Variants in LIPJ observed in about 807,000 individuals in gnomAD.
LIPJ encodes lipase member J.
LIPJ carries 33 observed loss-of-function variants against 39.8 expected under a neutral mutation model. The observed-to-expected ratio is 0.83, with a 90% CI of 0.63 to 1.11. The LOEUF (loss-of-function observed/expected upper bound fraction) is 1.11. Among genes scored for constraint, LIPJ ranks in the 50% least tolerant of loss-of-function variants. LIPJ has a pLI of 0.00. For missense variants in LIPJ, 422 were observed against 427.9 expected (o/e 0.99, Z 0.12); for synonymous variants, 128 against 139.2 (o/e 0.92, Z 0.57).
chr10:88,616,384 C>T, the LIPJ span, among the ~76,000 whole-genome samples: 2 of 152,292 alleles, frequency 1.3e-5, no homozygotes, highest in East Asian at 3.9e-4. Context: ...AGAGGCTGAT[C>T]CCCCAGGGCC....
At chr10:88,606,867 T>A in exon 11 of LIPJ, 1 of 1,592,632 alleles carries the variant, frequency 6.3e-7, no homozygotes. Flanking sequence ...TATGATCAAG[T>A]TTACCATGAA....
chr10:88,595,873 T>C (rs1415189432), intron 6 of LIPJ, among the ~76,000 whole-genome samples: 2 of 151,562 alleles, frequency 1.3e-5, no homozygotes, highest in Non-Finnish European at 3.0e-5. Context: ...TTAAAATATA[T>C]TGAAGATAAA....
chr10:88,619,209 TAA>T, the LIPJ span, among the ~76,000 whole-genome samples: 93,843 of 127,946 alleles, frequency 0.73, 33,955 homozygotes, highest in East Asian at 0.94. Flanking sequence ...TTGCTACTGC[TAA>T]AAAAAAAAAA....
intron 9 of LIPJ, 108 bp downstream of exon 9, chr10:88,602,755 A>T (rs1851538223): frequency 1.9e-6 from 1 of 537,732 alleles, no homozygotes. Flanking sequence ...ATTTATAAGG[A>T]TAAAATGAAA....
In LIPJ at chr10:88,601,491, T is replaced by C. The variant is rs112902457; in HGVS notation, c.724-1085T>C. On this transcript the variant is annotated intron_variant, in intron 8 of 10. Transcript: ENST00000371939. ...TAATCTATGGCCTTTAGTCCAACTC[T>C]ATAGCACCCACACAGACCGATTTCT... Among the ~76,000 whole-genome samples the C allele has an allele frequency of 2.1e-3, 327 of 152,326 alleles. 1 individual carries two copies. Among genetic ancestry groups the C allele is most frequent in the African/African-American group, 7.4e-3 (306 of 41,572 alleles).
chr10:88,620,479 T>A, the LIPJ span, among the ~76,000 whole-genome samples: 1 of 152,050 alleles, frequency 6.6e-6, no homozygotes, highest in African/African-American at 2.4e-5. Context: ...AATTTTAAAT[T>A]CTAAAAATGG....
upstream of LIPJ, chr10:88,584,276 C>T (rs1850828592): frequency 6.6e-6 from 1 of 151,462 alleles, no homozygotes; most frequent in African/African-American, 2.4e-5. Context: ...GCATATATGA[C>T]TAAGAAGACA....
At chr10:88,610,729 C>A (rs990475383), downstream of LIPJ, among the ~76,000 whole-genome samples, 8 of 152,166 alleles carry the variant, frequency 5.3e-5, no homozygotes, top group African/African-American at 1.7e-4. Flanking sequence ...AACTAGACCA[C>A]ACCTATGTAG....
At position 88,596,757 on chromosome 10, in the gene LIPJ, T is replaced by C. The variant is rs775033294; in HGVS notation, c.577-33T>C. ...ATTTCTTTAGCACTTATTGTGGTCA[T>C]CCAAATGTGGATAAAATAAATTTAT... On this transcript the variant is annotated intron_variant, in intron 7 of 10. Coordinates refer to ENST00000371939, the Ensembl canonical transcript of LIPJ. 5.8e-6 allele frequency: 9 copies of C among 1,564,160 alleles called. No homozygotes were observed. In the South Asian group the frequency reaches 1.0e-4, roughly 18 times the overall value.
the LIPJ span, among the ~76,000 whole-genome samples, chr10:88,613,800 A>ATATATATATATATATATATATATATG: frequency 6.7e-5 from 5 of 74,150 alleles, no homozygotes; most frequent in Non-Finnish European, 1.3e-4. Context: ...ATATATATAT[A>ATATATATATATATATATATATATATG]TGTGTGTGTG....
chr10:88,602,554 T>C, intron 8 of LIPJ, 22 bp from the exon 9 acceptor site: 2 of 1,071,098 alleles, frequency 1.9e-6, no homozygotes, highest in Admixed American at 2.8e-5. Context: ...AAAATGCTTT[T>C]TTTTTTTTTT....
the LIPJ span, among the ~76,000 whole-genome samples, chr10:88,616,408 G>A: frequency 6.6e-6 from 1 of 152,218 alleles, no homozygotes; most frequent in African/African-American, 2.4e-5. Context: ...TGGAATCTGA[G>A]CTCAGACCAT....
chr10:88,586,238 C>T (rs1242083229), upstream of LIPJ, among the ~76,000 whole-genome samples: 1 of 152,138 alleles, frequency 6.6e-6, no homozygotes, highest in Admixed American at 6.5e-5. Context: ...TACGCCCCAA[C>T]CTCCATGGGT....
chr10:88,601,004 A>C (rs1851455118), intron 8 of LIPJ, among the ~76,000 whole-genome samples: 4 of 151,910 alleles, frequency 2.6e-5, no homozygotes, highest in Admixed American at 2.6e-4. Context: ...GCTGGAGTGC[A>C]GTGGTGCAAT....
chr10:88,593,449 C>T (rs1471703585), intron 4 of LIPJ: 1 of 152,054 alleles, frequency 6.6e-6, no homozygotes, highest in Non-Finnish European at 1.5e-5. Flanking sequence ...CCCATACTTA[C>T]AGGATGTCAT....
exon 6 of LIPJ, chr10:88,594,744 T>C: frequency 1.3e-6 from 2 of 1,559,902 alleles, no homozygotes; most frequent in African/African-American, 1.4e-5. Flanking sequence ...GAGGAAATAT[T>C]TTATGTAGGC....
At chr10:88,610,444 G>A (rs79572314), downstream of LIPJ, among the ~76,000 whole-genome samples, 2,207 of 152,138 alleles carry the variant, frequency 0.015, 64 homozygotes, top group African/African-American at 0.05. Context: ...CACATTGGCA[G>A]ATGCAATATT....
intron 9 of LIPJ, among the ~76,000 whole-genome samples, chr10:88,604,028 A>G (rs1314769770): frequency 6.6e-6 from 1 of 152,210 alleles, no homozygotes; most frequent in Non-Finnish European, 1.5e-5. Context: ...GTCATCCTCA[A>G]GCTTACATAT....
the LIPJ span, among the ~76,000 whole-genome samples, chr10:88,619,565 G>T: frequency 6.6e-6 from 1 of 151,378 alleles, no homozygotes; most frequent in Non-Finnish European, 1.5e-5. Flanking sequence ...AGAAGGAGTG[G>T]GGGTTGATGA....
Sources: gnomAD v4.1 joint callset for allele counts (sites outside exome capture counted in the v4.1 genomes callset) on GRCh38, gnomAD v4.1.1 for gene constraint, MANE v1.5 for transcripts, NCBI Gene and HGNC (gene_info 2026-07-23, HGNC 2026-07-21) for gene names.